GMCL1: variants seen among roughly 807,000 people sequenced by gnomAD.
GMCL1 encodes the protein germ cell-less 1, spermatogenesis associated.
A neutral mutation model predicts 75.5 loss-of-function variants in GMCL1; 54 were observed. That is an observed-to-expected ratio of 0.71 (90% CI 0.57 to 0.90). The LOEUF (loss-of-function observed/expected upper bound fraction) is 0.90, where lower values mean the gene tolerates loss of function less well. GMCL1 is among the 40% of genes least tolerant of loss of function. The pLI is 0.00. For missense variants in GMCL1, 537 were observed against 622.7 expected (o/e 0.86, Z 1.47); for synonymous variants, 210 against 209.6 (o/e 1.00, Z -0.02).
At chr2:69,863,542 G>A (rs72899292) in intron 10 of GMCL1, among the ~76,000 whole-genome samples, 10,411 of 152,106 alleles carry the variant, frequency 0.068, 942 homozygotes, top group Admixed American at 0.22. Context: ...ATATGTCCAG[G>A]GATATTTGAT....
At chr2:69,839,032 A>G (rs1674903195) in intron 2 of GMCL1, among the ~76,000 whole-genome samples, 1 of 152,204 alleles carries the variant, frequency 6.6e-6, no homozygotes, top group East Asian at 1.9e-4. Context: ...CATTCTGGAC[A>G]TTTCTCATTA....
chr2:69,838,911 TTAAA>T (rs1235005310), intron 2 of GMCL1, among the ~76,000 whole-genome samples: 1 of 152,212 alleles, frequency 6.6e-6, no homozygotes, highest in African/African-American at 2.4e-5. Context: ...AGTAACATTT[TTAAA>T]TAAATTAGTT....
At chr2:69,838,985 A>G (rs1258880690) in intron 2 of GMCL1, among the ~76,000 whole-genome samples, 2 of 152,208 alleles carry the variant, frequency 1.3e-5, no homozygotes, top group African/African-American at 4.8e-5. Context: ...GCAGATACCT[A>G]AAGACTTCAT....
intron 6 of GMCL1, chr2:69,844,790 G>T: frequency 3.3e-6 from 1 of 306,628 alleles, no homozygotes; most frequent in South Asian, 2.8e-5. Flanking sequence ...CTGCTCTCCA[G>T]CCTCAGTGAG....
At chr2:69,868,624 G>T (rs1192322947) in intron 11 of GMCL1, among the ~76,000 whole-genome samples, 1 of 150,090 alleles carries the variant, frequency 6.7e-6, no homozygotes, top group South Asian at 2.1e-4. Context: ...TGTTGGCCAG[G>T]CTGTTTTTGA....
At chr2:69,872,615 G>T (rs1213520317) in intron 13 of GMCL1, among the ~76,000 whole-genome samples, 17 of 152,148 alleles carry the variant, frequency 1.1e-4, no homozygotes, top group Non-Finnish European at 2.9e-5. Context: ...TGCCCTATAT[G>T]AGAACTTCTT....
At position 69,841,206 on chromosome 2, in the gene GMCL1, C is replaced by T. The variant is rs149849841; in HGVS notation, c.579+167C>T. 4.5e-3 allele frequency among the ~76,000 whole-genome samples: 691 copies of T among 152,156 alleles called. 7 individuals carry two copies. The highest frequency in any genetic ancestry group is 0.014 in the African/African-American group (595 of 41,500). ...ATCATTTAAAATGCCTAACCAAAAG[C>T]AATTTATTACAACCGAGGGAGTCAT... On this transcript the variant is annotated intron_variant, in intron 4 of 13. Coordinates refer to ENST00000282570, the MANE Select transcript of GMCL1 (RefSeq NM_178439.5).
At chr2:69,859,742 TAAAA>T (rs1207817401) in intron 9 of GMCL1, among the ~76,000 whole-genome samples, 2 of 79,132 alleles carry the variant, frequency 2.5e-5, no homozygotes. Context: ...TCTCTCTCTC[TAAAA>T]AAAAAAAAAA....
chr2:69,853,326 A>G (rs988102370), intron 8 of GMCL1, among the ~76,000 whole-genome samples: 6 of 152,210 alleles, frequency 3.9e-5, no homozygotes, highest in African/African-American at 1.4e-4. Flanking sequence ...TTAACTATTA[A>G]TTTTTTAATG....
chr2:69,860,847 CTGTT>C (rs1412265982), intron 9 of GMCL1, among the ~76,000 whole-genome samples: 2 of 151,882 alleles, frequency 1.3e-5, no homozygotes, highest in African/African-American at 2.4e-5. Context: ...GTTTGTCTGT[CTGTT>C]TGATTGTTTG....
chr2:69,830,134 T>G lies in GMCL1; in HGVS notation c.242T>G (p.Leu81Arg). The G allele has an allele frequency of 6.4e-7, 1 of 1,570,582 alleles. No homozygotes were observed. ...DEEEGDEQQRLLNTPRRKKLK... is the reference protein window; with the variant it reads ...DEEEGDEQQRRLNTPRRKKLK... ...GAGGAGGGGGACGAGCAGCAGCGGC[T>G]CCTCAACACCCCTCGAAGGTACGTG... Residue 81 changes from leucine to arginine, a missense_variant, in exon 1 of 14, where the codon CTC (leucine) becomes CGC (arginine). By Grantham distance (102) the Leu-to-Arg change is moderately radical (BLOSUM62 -2). Around this residue, in one of 3 missense-constraint regions of GMCL1, gnomAD observed 144 missense variants for 127.2 expected, o/e 1.13. Coordinates refer to ENST00000282570, the MANE Select transcript of GMCL1 (RefSeq NM_178439.5).
intron 8 of GMCL1, among the ~76,000 whole-genome samples, chr2:69,852,379 T>C (rs1356984846): frequency 6.6e-6 from 1 of 152,238 alleles, no homozygotes; most frequent in Non-Finnish European, 1.5e-5. Flanking sequence ...AGACATTGAT[T>C]GCACAAACCA....
At chr2:69,874,317 C>A (rs966475849) in intron 13 of GMCL1, among the ~76,000 whole-genome samples, 9 of 152,084 alleles carry the variant, frequency 5.9e-5, no homozygotes, top group African/African-American at 2.2e-4. Context: ...CATCTCTATC[C>A]CAGCGTAGTA....
intron 8 of GMCL1, among the ~76,000 whole-genome samples, chr2:69,852,583 G>A (rs1316456423): frequency 6.6e-6 from 1 of 150,886 alleles, no homozygotes. Context: ...TGTCACCCAG[G>A]CTGGAAGTGC....
At chr2:69,855,443 C>T (rs1675443528) in intron 9 of GMCL1, among the ~76,000 whole-genome samples, 1 of 151,734 alleles carries the variant, frequency 6.6e-6, no homozygotes, top group Non-Finnish European at 1.5e-5. Context: ...AGTTAAATCT[C>T]TAGTGCTTGT....
Position 69,830,099 on chromosome 2 carries a change from C to G in GMCL1, c.207C>G (p.Asp69Glu), listed in dbSNP as rs1483262090. The G allele has an allele frequency of 6.3e-7, 1 of 1,578,916 alleles. No individual in the cohort carries two copies. Residue 69 changes from aspartate (D) to glutamate (E), a missense_variant, in exon 1 of 14, where the codon GAC (aspartate) becomes GAG (glutamate). Physicochemically the swap from Asp to Glu is conservative, Grantham distance 45. Around this residue, in one of 3 missense-constraint regions of GMCL1, gnomAD observed 144 missense variants for 127.2 expected, o/e 1.13. Coordinates refer to ENST00000282570, the MANE Select transcript of GMCL1 (RefSeq NM_178439.5). ...FCYCHPDSETDEDEEEGDEQQ... is the reference protein window; with the variant it reads ...FCYCHPDSETEEDEEEGDEQQ... Reference sequence around the variant, plus strand: ...ACTGTCACCCTGACTCGGAGACGGACGAGGATGAGGAGGAGGGGGACGAGC... The same window carrying G: ...ACTGTCACCCTGACTCGGAGACGGAGGAGGATGAGGAGGAGGGGGACGAGC...
chr2:69,854,781 G>T (rs372863738), intron 8 of GMCL1, 42 bp from the exon 9 acceptor site: 4 of 1,560,722 alleles, frequency 2.6e-6, no homozygotes, highest in Non-Finnish European at 3.5e-6. Context: ...AGAATAATAG[G>T]TTTGAAAAGA....
At position 69,879,340 on chromosome 2, in the gene GMCL1, A is replaced by G. The variant is rs1308542642; in HGVS notation, c.*336A>G. 1.8e-5 allele frequency: 3 copies of G among 162,360 alleles called. No homozygotes were observed. Among genetic ancestry groups the G allele is most frequent in the Admixed American group, 1.3e-4 (2 of 15,592 alleles). 10.1% of individuals were successfully genotyped at this position (162,360 alleles called of 1,614,324 possible). ...ATCTCACATTTATCTGCAACAAAAT[A>G]TAGATTTAATTTTTAGCTTAAACTT... On this transcript the variant is annotated 3_prime_UTR_variant, in exon 14 of 14. Coordinates refer to ENST00000282570, the MANE Select transcript of GMCL1 (RefSeq NM_178439.5).
chr2:69,842,631 T>G (rs1443514808), intron 4 of GMCL1: 1 of 152,188 alleles, frequency 6.6e-6, no homozygotes, highest in African/African-American at 2.4e-5. Context: ...TATATAAACA[T>G]TTTAGGTTAA....
Sources: allele counts gnomAD v4.1 joint callset (sites outside exome capture counted in the v4.1 genomes callset), GRCh38; gene constraint gnomAD v4.1.1; regional missense constraint gnomAD v4.1.1; transcripts MANE v1.5; gene names NCBI Gene and HGNC (gene_info 2026-07-23, HGNC 2026-07-21).